The following L3MBTL3 variants were observed in gnomAD, a reference collection of about 807,000 sequenced individuals.
L3MBTL3 encodes the protein lethal(3)malignant brain tumor-like protein 3.
L3MBTL3 carries 27 observed loss-of-function variants against 102.3 expected under a neutral mutation model. The ratio of observed to expected loss-of-function variants is 0.26; its 90% CI spans 0.19 to 0.36. The LOEUF is 0.36. Among genes scored for constraint, L3MBTL3 ranks in the 10% least tolerant of loss-of-function variants. L3MBTL3 has a pLI of 1.00. For missense variants in L3MBTL3, 798 were observed against 955.3 expected, an observed-to-expected ratio of 0.84 and a Z score of 2.17; for synonymous variants, 340 against 320.9, an observed-to-expected ratio of 1.06 and a Z score of -0.64.
chr6:130,104,451 A>T lies in L3MBTL3; in HGVS notation c.1762A>T (p.Ile588Phe). 6.3e-7 allele frequency: 1 copy of T among 1,576,512 alleles called. No individual in the cohort carries two copies. Among genetic ancestry groups the T allele is most frequent in the South Asian group, 1.2e-5 (1 of 81,974 alleles). ...TGCTGCCAACTGTCCCTATTCAGAA[A>T]TCAATTTGAATAAAGACCGTATTTT... ...HSAANCPYSEINLNKDRIFPD... is the reference protein window; with the variant it reads ...HSAANCPYSEFNLNKDRIFPD... Residue 588 changes from isoleucine to phenylalanine, a missense_variant, in exon 19 of 23, where the codon ATC (isoleucine) becomes TTC (phenylalanine). Physicochemically the swap from Ile to Phe is conservative, Grantham distance 21 (BLOSUM62 0). Transcript: ENST00000361794.
intron 6 of L3MBTL3, among the ~76,000 whole-genome samples, chr6:130,052,576 A>G (rs1254871085): frequency 1.3e-5 from 2 of 152,224 alleles, no homozygotes; most frequent in Admixed American, 1.3e-4. Context: ...TGACAGACAA[A>G]TAACTTGTTA....
chr6:130,099,195 G>C (rs1055082568), intron 18 of L3MBTL3, among the ~76,000 whole-genome samples: 1 of 152,078 alleles, frequency 6.6e-6, no homozygotes, highest in Admixed American at 6.5e-5. Flanking sequence ...AGTGTAGGAT[G>C]CACCTCAATA....
chr6:130,131,824 G>C (rs1787076775), intron 20 of L3MBTL3, among the ~76,000 whole-genome samples: 1 of 152,176 alleles, frequency 6.6e-6, no homozygotes, highest in Non-Finnish European at 1.5e-5. Context: ...AGGACGACCA[G>C]AGGTCACTTG....
intron 2 of L3MBTL3, among the ~76,000 whole-genome samples, chr6:130,026,314 C>A (rs969941602): frequency 6.6e-6 from 1 of 152,000 alleles, no homozygotes; most frequent in Non-Finnish European, 1.5e-5. Context: ...TATTTTTTGT[C>A]TTTTAGAGCA....
At position 130,066,485 on chromosome 6, in the gene L3MBTL3, A is replaced by G. The variant is rs117297848; in HGVS notation, c.997A>G (p.Lys333Glu). 2.6e-5 allele frequency: 42 copies of G among 1,608,474 alleles called. No individual in the cohort carries two copies. The highest frequency in any genetic ancestry group is 3.1e-5 in the Non-Finnish European group (37 of 1,177,830). ...AACCGGCCACAAACTCCATCCTCCA[A>G]AAGGTTTTGTCACTTTTTGTTTGAT... is the stretch of plus-strand genomic sequence containing the variant. Reference protein sequence around the residue: ...EKTGHKLHPPKGYKEEEFNWQ... With the variant: ...EKTGHKLHPPEGYKEEEFNWQ... The change falls in exon 11 of 23, where the codon AAA (lysine) becomes GAA (glutamate). Residue 333 changes from lysine to glutamate, a missense_variant. Coordinates refer to ENST00000361794, the MANE Select transcript of L3MBTL3 (RefSeq NM_032438.4).
rs6149808 is a variant in L3MBTL3, at chr6:130,048,941, AACAC to A, written c.103-315_103-312del. Among the ~76,000 whole-genome samples the A allele has an allele frequency of 5.9e-3, 462 of 78,514 alleles. 1 individual carries two copies. Among genetic ancestry groups the A allele is most frequent in the Non-Finnish European group, 0.01 (261 of 25,880 alleles). 51.5% of individuals were successfully genotyped at this position (78,514 alleles called of 152,430 possible). On this transcript the variant is annotated intron_variant, in intron 3 of 22. Transcript: ENST00000361794. ...GTAAGAAAAAATAAGTCTTAGTTAAAACACACACACACACACACACACACACACA... is the reference window on the plus strand; with the variant it reads ...GTAAGAAAAAATAAGTCTTAGTTAAAACACACACACACACACACACACACA...
rs1351977844 is a variant in L3MBTL3 at position 130,087,799 on chromosome 6, A to G, written c.1518+1549A>G. 2.0e-5 allele frequency among the ~76,000 whole-genome samples: 3 copies of G among 152,214 alleles called. No individual in the cohort carries two copies. In the South Asian group the frequency reaches 6.2e-4, roughly 32 times the overall value. On this transcript the variant is annotated intron_variant, in intron 16 of 22. Coordinates refer to ENST00000361794, the MANE Select transcript of L3MBTL3 (RefSeq NM_032438.4). ...TTTAGAAGACTATTTAATACCAACA[A>G]TTGAAAAATTCAGGTTTACATTATG...
At chr6:130,100,702 C>A (rs531871254) in intron 18 of L3MBTL3, among the ~76,000 whole-genome samples, 3 of 151,828 alleles carry the variant, frequency 2.0e-5, no homozygotes, top group Non-Finnish European at 4.4e-5. Flanking sequence ...GCAGTCTTAC[C>A]CCTCTCTTGA....
At chr6:130,098,443 C>T (rs1157147037) in intron 18 of L3MBTL3, among the ~76,000 whole-genome samples, 2 of 152,138 alleles carry the variant, frequency 1.3e-5, no homozygotes, top group Non-Finnish European at 2.9e-5. Context: ...AGAGAAGCGT[C>T]AGCTTTTTAT....
chr6:130,087,056 A>C (rs181333018), intron 16 of L3MBTL3, among the ~76,000 whole-genome samples: 11 of 152,348 alleles, frequency 7.2e-5, no homozygotes, highest in Admixed American at 2.6e-4. Context: ...TAAATGAATT[A>C]TTAATTACTG....
intron 10 of L3MBTL3, among the ~76,000 whole-genome samples, chr6:130,061,621 AT>A (rs919955585): frequency 2.6e-5 from 4 of 152,164 alleles, no homozygotes; most frequent in Non-Finnish European, 5.9e-5. Context: ...TTGATCAGAC[AT>A]TGTATGTTCT....
chr6:130,019,893 GCCCGCGCCGTCGCGGCGTTCGC>G (rs1020105044), intron 1 of L3MBTL3, among the ~76,000 whole-genome samples: 8 of 143,080 alleles, frequency 5.6e-5, no homozygotes, highest in South Asian at 2.1e-4. Context: ...CGGGCCGGGA[GCCCGCGCCGTCGCGGCGTTCGC>G]CCCGCGCCGT....
In L3MBTL3 at chr6:130,109,771, A is replaced by G. The variant is rs187997023; in HGVS notation, c.1886+5196A>G. Among the ~76,000 whole-genome samples, 283 of 152,246 alleles carry G rather than the reference A, an allele frequency of 1.9e-3. 2 individuals are homozygous for G. Among genetic ancestry groups the G allele is most frequent in the Non-Finnish European group, 9.3e-4 (63 of 68,008 alleles). ...GTTGCTTTTGGTGTTTTAGTCATGA[A>G]GTCTTTGCCCATGCCTATGTCCTGA... On this transcript the variant is annotated intron_variant, in intron 19 of 22. Transcript: ENST00000361794.
At chr6:130,043,778 T>A (rs1780573191) in intron 3 of L3MBTL3, among the ~76,000 whole-genome samples, 1 of 152,200 alleles carries the variant, frequency 6.6e-6, no homozygotes, top group Non-Finnish European at 1.5e-5. Context: ...CTGCCCTAGC[T>A]CATCCTCAGT....
rs1243367893 is a variant in L3MBTL3 at position 130,071,060 on chromosome 6, G to C, written c.1177G>C (p.Val393Leu). The C allele has an allele frequency of 6.2e-7, 1 of 1,613,022 alleles. No individual in the cohort carries two copies. Among genetic ancestry groups the C allele is most frequent in the Admixed American group, 1.7e-5 (1 of 59,944 alleles). The change falls in exon 13 of 23, where the codon GTA (valine) becomes CTA (leucine). Residue 393 changes from valine (V) to leucine (L), a missense_variant. By Grantham distance (32) the Val-to-Leu change is conservative. Around this residue, in one of 4 missense-constraint regions of L3MBTL3, gnomAD observed 434 missense variants for 506.6 expected, o/e 0.86. Transcript: ENST00000361794. ...TCCCTCATTCATCTGTGTTGCTACG[G>C]TAACAGATATGGTGGACAATCGTTT... is the stretch of plus-strand genomic sequence containing the variant. ...KNPSFICVAT[V>L]TDMVDNRFLV...
Position 130,104,581 on chromosome 6 carries a change from CAA to C in L3MBTL3, c.1886+8_1886+9del. 6.4e-7 allele frequency: 1 copy of C among 1,552,548 alleles called. No individual in the cohort carries two copies. Among genetic ancestry groups the C allele is most frequent in the Non-Finnish European group, 8.7e-7 (1 of 1,154,976 alleles). Reference sequence around the variant, plus strand: ...TCTTCTTCCCCTGAAATCAGGTAATCAAAGAGCTAATATTAGCATTGTTTAGA... The same window carrying C: ...TCTTCTTCCCCTGAAATCAGGTAATCAGAGCTAATATTAGCATTGTTTAGA... On this transcript the variant is annotated splice_region_variant and intron_variant, in intron 19 of 22. Transcript: ENST00000361794.
intron 15 of L3MBTL3, among the ~76,000 whole-genome samples, chr6:130,084,088 A>T (rs905437735): frequency 6.6e-6 from 1 of 152,158 alleles, no homozygotes; most frequent in Non-Finnish European, 1.5e-5. Context: ...GGATTTGTTT[A>T]TGGCAAGCTG....
chr6:130,099,938 C>T (rs1215037616), intron 18 of L3MBTL3, among the ~76,000 whole-genome samples: 1 of 152,156 alleles, frequency 6.6e-6, no homozygotes, highest in Non-Finnish European at 1.5e-5. Flanking sequence ...GTACAGGCAG[C>T]AGGCAGTGGC....
intron 2 of L3MBTL3, among the ~76,000 whole-genome samples, chr6:130,040,728 A>T (rs933381320): frequency 6.6e-6 from 1 of 152,210 alleles, no homozygotes; most frequent in African/African-American, 2.4e-5. Context: ...CCGAATAAAC[A>T]TAGCTTGTTA....
Sources: allele counts gnomAD v4.1 joint callset (sites outside exome capture counted in the v4.1 genomes callset), GRCh38; gene constraint gnomAD v4.1.1; regional missense constraint gnomAD v4.1.1; transcripts MANE v1.5; gene names NCBI Gene and HGNC (gene_info 2026-07-23, HGNC 2026-07-21).